Variants in BNC2 observed in about 807,000 individuals in gnomAD.
BNC2 encodes the protein basonuclin zinc finger protein 2.
A neutral mutation model predicts 76.3 loss-of-function variants in BNC2; 20 were observed. The ratio of observed to expected loss-of-function variants is 0.26; its 90% CI spans 0.18 to 0.38. The LOEUF is 0.38. Ranked by LOEUF, BNC2 falls within the 10% of genes least tolerant of loss-of-function variation. The pLI is 1.00. For missense variants in BNC2, 1,382 were observed against 1,399.8 expected (o/e 0.99, Z 0.20); for synonymous variants, 582 against 514.8 (o/e 1.13, Z -1.77).
At chr9:16,688,731 C>T (rs565402346) in intron 3 of BNC2, among the ~76,000 whole-genome samples, 50 of 152,206 alleles carry the variant, frequency 3.3e-4, no homozygotes, top group African/African-American at 1.2e-3. Flanking sequence ...GCTAATATTT[C>T]TAAACATTAT....
At chr9:16,749,601 G>A (rs930918850) in intron 1 of BNC2, among the ~76,000 whole-genome samples, 2 of 152,000 alleles carry the variant, frequency 1.3e-5, no homozygotes, top group African/African-American at 4.8e-5. Context: ...TCAGGAGGCT[G>A]AGGTGGGAAG....
chr9:16,796,520 C>T (rs1055991143), intron 1 of BNC2, among the ~76,000 whole-genome samples: 4 of 147,714 alleles, frequency 2.7e-5, no homozygotes, highest in African/African-American at 7.5e-5. Context: ...TGCAGTAAGC[C>T]GAGATCACGT....
intron 4 of BNC2, among the ~76,000 whole-genome samples, chr9:16,566,657 T>C (rs975617525): frequency 4.6e-5 from 7 of 152,152 alleles, no homozygotes; most frequent in Admixed American, 1.3e-4. Context: ...ACAGACTTTA[T>C]GAAAATCATC....
At chr9:16,589,451 G>C (rs1436926984) in intron 3 of BNC2, among the ~76,000 whole-genome samples, 1 of 151,618 alleles carries the variant, frequency 6.6e-6, no homozygotes, top group African/African-American at 2.4e-5. Flanking sequence ...CTCCCAAAGT[G>C]CTGGGATTAT....
chr9:16,518,312 T>C (rs1587124379), intron 5 of BNC2, among the ~76,000 whole-genome samples: 2 of 152,040 alleles, frequency 1.3e-5, no homozygotes, highest in Admixed American at 1.3e-4. Context: ...TGTGCACCTG[T>C]GGTCCCAGCT....
intron 5 of BNC2, among the ~76,000 whole-genome samples, chr9:16,521,108 C>G (rs746399080): frequency 1.3e-5 from 2 of 152,134 alleles, no homozygotes; most frequent in Non-Finnish European, 2.9e-5. Context: ...GATAAAGAGA[C>G]AGAATTTAGG....
chr9:16,557,804 C>T (rs1020725067), intron 4 of BNC2, among the ~76,000 whole-genome samples: 7 of 151,760 alleles, frequency 4.6e-5, no homozygotes, highest in Non-Finnish European at 8.8e-5. Flanking sequence ...CTTTTGGGAA[C>T]TTGTCCCTTA....
chr9:16,570,889 T>C (rs1457609023), intron 4 of BNC2, among the ~76,000 whole-genome samples: 1 of 152,134 alleles, frequency 6.6e-6, no homozygotes, highest in Non-Finnish European at 1.5e-5. Flanking sequence ...TCTGAAATAA[T>C]GTGAATAAAG....
intron 3 of BNC2, among the ~76,000 whole-genome samples, chr9:16,680,304 A>C (rs1234394773): frequency 6.6e-6 from 1 of 152,018 alleles, no homozygotes. Flanking sequence ...TTCTATGTTG[A>C]TTCTGATGTG....
chr9:16,543,906 T>C (rs985445945), intron 5 of BNC2, among the ~76,000 whole-genome samples: 2 of 152,166 alleles, frequency 1.3e-5, no homozygotes, highest in African/African-American at 4.8e-5. Context: ...AAACAGACAC[T>C]ATAAATACAA....
chr9:16,592,458 C>T (rs922027771), intron 3 of BNC2, among the ~76,000 whole-genome samples: 1 of 152,068 alleles, frequency 6.6e-6, no homozygotes, highest in Non-Finnish European at 1.5e-5. Flanking sequence ...ATTATTATTC[C>T]ATTCAGATGA....
intron 1 of BNC2, among the ~76,000 whole-genome samples, chr9:16,842,719 T>C (rs541253498): frequency 1.1e-3 from 174 of 152,254 alleles, no homozygotes; most frequent in African/African-American, 4.1e-3. Context: ...ATTTTTTTTT[T>C]CTGACTCTTG....
chr9:16,696,462 C>T (rs528173791), intron 3 of BNC2, among the ~76,000 whole-genome samples: 1 of 152,228 alleles, frequency 6.6e-6, no homozygotes, highest in East Asian at 1.9e-4. Flanking sequence ...TTCCTGATGC[C>T]ACTTCTTCCA....
intron 4 of BNC2, among the ~76,000 whole-genome samples, chr9:16,565,574 C>T (rs1819143668): frequency 6.6e-6 from 1 of 152,064 alleles, no homozygotes; most frequent in Admixed American, 6.6e-5. Context: ...CTCTGGGAGG[C>T]TGAGGTGGGT....
rs117398078 is a variant in BNC2, at chr9:16,457,112, A to G, written c.670-19588T>C. Reference sequence around the variant, plus strand: ...ATAAATGAATTTGCAGTAATATGTAAATATGCAAGAAGTGCCTACCTGATT... The same window carrying G: ...ATAAATGAATTTGCAGTAATATGTAGATATGCAAGAAGTGCCTACCTGATT... On this transcript the variant is annotated intron_variant, in intron 5 of 6. Transcript: ENST00000380672. Among the ~76,000 whole-genome samples, 9 of 152,318 alleles carry G rather than the reference A, an allele frequency of 5.9e-5. No homozygotes were observed. The East Asian group carries it at 1.5e-3, about 26-fold the overall frequency.
intron 5 of BNC2, among the ~76,000 whole-genome samples, chr9:16,518,838 C>T (rs568736351): frequency 1.3e-5 from 2 of 152,224 alleles, no homozygotes; most frequent in African/African-American, 4.8e-5. Context: ...TGACCTCAGG[C>T]AATCCACCTG....
chr9:16,807,373 C>A (rs1214184865), intron 1 of BNC2, among the ~76,000 whole-genome samples: 1 of 152,186 alleles, frequency 6.6e-6, no homozygotes, highest in Non-Finnish European at 1.5e-5. Flanking sequence ...TAACCCAAAT[C>A]TTCTTCTAAA....
chr9:16,698,890 T>C (rs997260704), intron 3 of BNC2, among the ~76,000 whole-genome samples: 1 of 152,246 alleles, frequency 6.6e-6, no homozygotes, highest in Non-Finnish European at 1.5e-5. Context: ...GTGATAGCCC[T>C]TCAGGCAGTT....
At chr9:16,445,315 G>A (rs1347778480) in intron 5 of BNC2, among the ~76,000 whole-genome samples, 1 of 152,134 alleles carries the variant, frequency 6.6e-6, no homozygotes, top group Non-Finnish European at 1.5e-5. Flanking sequence ...GCTTGTGTAA[G>A]TAAACAAAAT....
Sources: gnomAD v4.1 joint callset for allele counts (sites outside exome capture counted in the v4.1 genomes callset) on GRCh38, gnomAD v4.1.1 for gene constraint, MANE v1.5 for transcripts, NCBI Gene and HGNC (gene_info 2026-07-23, HGNC 2026-07-21) for gene names.